Variants in NRXN1 observed in about 807,000 individuals in gnomAD.
NRXN1 encodes the protein neurexin 1.
A neutral mutation model predicts 150.9 loss-of-function variants in NRXN1; 39 were observed. That is an observed-to-expected ratio of 0.26 (90% CI 0.20 to 0.34). The LOEUF (loss-of-function observed/expected upper bound fraction) is 0.34. Among genes scored for constraint, NRXN1 ranks in the 10% least tolerant of loss-of-function variants. The pLI is 1.00. For missense variants in NRXN1, 1,815 were observed against 1,949.9 expected (o/e 0.93, Z 1.30); for synonymous variants, 924 against 757.0 (o/e 1.22, Z -3.62).
intron 18 of NRXN1, among the ~76,000 whole-genome samples, chr2:50,234,691 GC>G: frequency 6.6e-6 from 1 of 151,980 alleles, no homozygotes; most frequent in Non-Finnish European, 1.5e-5. Context: ...TATTTGAGAA[GC>G]CCAGGAGGAC....
chr2:50,604,566 C>T (rs1276163265), intron 8 of NRXN1, among the ~76,000 whole-genome samples: 1 of 152,110 alleles, frequency 6.6e-6, no homozygotes, highest in Non-Finnish European at 1.5e-5. Flanking sequence ...TATTTTACAC[C>T]TGCACCTTTT....
At chr2:50,747,182 T>C (rs756611722) in intron 5 of NRXN1, among the ~76,000 whole-genome samples, 1 of 152,034 alleles carries the variant, frequency 6.6e-6, no homozygotes, top group Non-Finnish European at 1.5e-5. Context: ...TGCACAAAAA[T>C]CAGAAAGATG....
intron 2 of NRXN1, among the ~76,000 whole-genome samples, chr2:50,977,257 T>C (rs1239806892): frequency 6.6e-6 from 1 of 151,944 alleles, no homozygotes; most frequent in East Asian, 1.9e-4. Context: ...ATTATAATCA[T>C]ATTTGGGGGT....
intron 12 of NRXN1, among the ~76,000 whole-genome samples, chr2:50,507,254 A>G (rs72831026): frequency 0.035 from 5,325 of 152,222 alleles, 196 homozygotes; most frequent in Non-Finnish European, 0.047. Flanking sequence ...AAACACATCG[A>G]AATAAACCTT....
intron 5 of NRXN1, among the ~76,000 whole-genome samples, chr2:50,741,564 ATTTAT>A (rs1699431851): frequency 6.6e-6 from 1 of 152,142 alleles, no homozygotes; most frequent in Admixed American, 6.6e-5. Flanking sequence ...ATTATTACAC[ATTTAT>A]TTTAATGAAA....
chr2:49,987,418 A>G (rs556251137), intron 21 of NRXN1, among the ~76,000 whole-genome samples: 1 of 152,196 alleles, frequency 6.6e-6, no homozygotes, highest in South Asian at 2.1e-4. Context: ...TAGAGCATAT[A>G]TTATTTATTA....
intron 22 of NRXN1, among the ~76,000 whole-genome samples, chr2:49,929,219 T>A (rs17039472): frequency 0.23 from 34,836 of 151,964 alleles, 4,154 homozygotes; most frequent in East Asian, 0.3. Flanking sequence ...TGCTACCTCA[T>A]ATGGTACCAC....
At chr2:50,680,693 C>A (rs1349677904) in intron 5 of NRXN1, among the ~76,000 whole-genome samples, 1 of 151,276 alleles carries the variant, frequency 6.6e-6, no homozygotes, top group African/African-American at 2.4e-5. Context: ...GAGCAGATAT[C>A]ACAATGGTTT....
chr2:50,290,823 G>T (rs567367304), intron 17 of NRXN1, among the ~76,000 whole-genome samples: 19 of 152,300 alleles, frequency 1.2e-4, no homozygotes, highest in Admixed American at 6.5e-5. Flanking sequence ...GGCCAAGAAA[G>T]GAATGTAGCT....
At chr2:50,365,873 T>C (rs1558606026) in intron 17 of NRXN1, among the ~76,000 whole-genome samples, 1 of 152,044 alleles carries the variant, frequency 6.6e-6, no homozygotes, top group Admixed American at 6.6e-5. Context: ...GAACAATCTA[T>C]TGAATACACT....
chr2:50,029,257 G>T (rs1386832304), intron 21 of NRXN1, among the ~76,000 whole-genome samples: 1 of 152,166 alleles, frequency 6.6e-6, no homozygotes, highest in Non-Finnish European at 1.5e-5. Flanking sequence ...TGGACTTCTA[G>T]CCTCCAGCAT....
chr2:51,017,053 A>G (rs1248246958), intron 2 of NRXN1, among the ~76,000 whole-genome samples: 1 of 151,882 alleles, frequency 6.6e-6, no homozygotes, highest in Non-Finnish European at 1.5e-5. Flanking sequence ...GAGTTAAATA[A>G]TAAGAACACA....
At chr2:50,083,912 A>C (rs896150406) in intron 19 of NRXN1, among the ~76,000 whole-genome samples, 3 of 152,324 alleles carry the variant, frequency 2.0e-5, no homozygotes, top group Admixed American at 6.5e-5. Flanking sequence ...CCAAGTCCGC[A>C]CCAGATCAGC....
At chr2:49,969,143 A>G (rs1677493087) in intron 21 of NRXN1, among the ~76,000 whole-genome samples, 1 of 152,128 alleles carries the variant, frequency 6.6e-6, no homozygotes, top group South Asian at 2.1e-4. Flanking sequence ...TGCTATATGT[A>G]CTTTTAAGCC....
intron 5 of NRXN1, among the ~76,000 whole-genome samples, chr2:50,808,714 A>G (rs1354921282): frequency 6.6e-6 from 1 of 152,176 alleles, no homozygotes; most frequent in Non-Finnish European, 1.5e-5. Context: ...AAACCAGTAT[A>G]TAACCTATAG....
intron 18 of NRXN1, among the ~76,000 whole-genome samples, chr2:50,177,771 C>T (rs2152807276): frequency 1.1e-5 from 1 of 94,250 alleles, no homozygotes; most frequent in African/African-American, 4.6e-5. Flanking sequence ...AACTAACTAA[C>T]TAACTCTCTC....
At chr2:50,549,276 A>G (rs1220312054) in intron 9 of NRXN1, among the ~76,000 whole-genome samples, 2 of 152,298 alleles carry the variant, frequency 1.3e-5, no homozygotes, top group South Asian at 2.1e-4. Context: ...GTGTGCAAAT[A>G]TGGAACTTAA....
At chr2:50,822,124 T>TA (rs1669825792) in intron 5 of NRXN1, among the ~76,000 whole-genome samples, 1 of 152,084 alleles carries the variant, frequency 6.6e-6, no homozygotes, top group Non-Finnish European at 1.5e-5. Context: ...AATAAGAAAA[T>TA]AAAAACAATT....
At chr2:50,270,243 C>T (rs1280660438) in intron 17 of NRXN1, among the ~76,000 whole-genome samples, 5 of 152,086 alleles carry the variant, frequency 3.3e-5, no homozygotes, top group Non-Finnish European at 7.4e-5. Flanking sequence ...TTTTGTATTA[C>T]TAAAATTCAA....
Sources: allele counts gnomAD v4.1 joint callset (sites outside exome capture counted in the v4.1 genomes callset), GRCh38; gene constraint gnomAD v4.1.1; transcripts MANE v1.5; gene names NCBI Gene and HGNC (gene_info 2026-07-23, HGNC 2026-07-21).